The following APP variants were observed in gnomAD, a reference collection of about 807,000 sequenced individuals.
The protein encoded by APP is amyloid-beta precursor protein.
In APP, 31 loss-of-function variants were observed where a neutral mutation model predicts 101.4. The ratio of observed to expected loss-of-function variants is 0.31; its 90% confidence interval spans 0.23 to 0.41. The LOEUF is 0.41. Ranked by LOEUF, APP falls within the 10% of genes least tolerant of loss-of-function variation. APP has a pLI of 1.00. For missense variants in APP, 839 were observed against 1,003.7 expected (o/e 0.84, Z 2.22); for synonymous variants, 366 against 364.4 (o/e 1.00, Z -0.05).
At chr21:26,054,049 T>C (rs923243522) in intron 3 of APP, among the ~76,000 whole-genome samples, 3 of 152,242 alleles carry the variant, frequency 2.0e-5, no homozygotes, top group African/African-American at 7.2e-5. Context: ...ACATTATATG[T>C]AAGCTGTAAA....
intron 5 of APP, among the ~76,000 whole-genome samples, chr21:26,031,198 C>T (rs1374270802): frequency 6.6e-6 from 1 of 152,166 alleles, no homozygotes; most frequent in African/African-American, 2.4e-5. Context: ...CCACTGTGTC[C>T]ATACACATGA....
intron 17 of APP, among the ~76,000 whole-genome samples, chr21:25,886,567 G>A (rs531134241): frequency 6.6e-6 from 1 of 151,710 alleles, no homozygotes; most frequent in East Asian, 1.9e-4. Flanking sequence ...CTAATTTTTT[G>A]TATTTTTATT....
chr21:25,981,431 C>A (rs564769218), intron 9 of APP, among the ~76,000 whole-genome samples: 1 of 152,228 alleles, frequency 6.6e-6, no homozygotes, highest in South Asian at 2.1e-4. Flanking sequence ...TCTTTTCCCC[C>A]CACATTCACT....
intron 13 of APP, among the ~76,000 whole-genome samples, chr21:25,915,973 G>GT (rs112703380): frequency 0.018 from 2,600 of 143,366 alleles, 26 homozygotes; most frequent in Non-Finnish European, 0.026. Context: ...CTTAGCCTTC[G>GT]TTTTTTTTTT....
At chr21:26,126,875 CAG>C (rs2062695354) in intron 1 of APP, among the ~76,000 whole-genome samples, 1 of 151,934 alleles carries the variant, frequency 6.6e-6, no homozygotes, top group African/African-American at 2.4e-5. Context: ...TTGAACCAAA[CAG>C]AGTTTCCACT....
At chr21:25,883,367 C>T (rs1245232011) in intron 17 of APP, among the ~76,000 whole-genome samples, 11 of 152,088 alleles carry the variant, frequency 7.2e-5, no homozygotes, top group Admixed American at 5.9e-4. Flanking sequence ...TGTGCCACTG[C>T]ACTCCAGCCT....
At chr21:26,066,758 A>G (rs917750277) in intron 3 of APP, among the ~76,000 whole-genome samples, 2 of 152,158 alleles carry the variant, frequency 1.3e-5, no homozygotes, top group African/African-American at 4.8e-5. Context: ...CCTAAGAGCC[A>G]AGCTGCTCCT....
chr21:25,887,031 G>C (rs1484232069), intron 17 of APP, among the ~76,000 whole-genome samples: 2 of 152,020 alleles, frequency 1.3e-5, no homozygotes, highest in Non-Finnish European at 2.9e-5. Context: ...AGATAACCAG[G>C]AGGTGGGGGC....
chr21:26,134,718 G>T (rs181929552), intron 1 of APP, among the ~76,000 whole-genome samples: 128 of 152,266 alleles, frequency 8.4e-4, no homozygotes, highest in South Asian at 6.2e-3. Context: ...GGAGGTTGGG[G>T]AGGGTGACTG....
intron 5 of APP, among the ~76,000 whole-genome samples, chr21:26,043,685 C>T (rs1296608204): frequency 2.6e-5 from 4 of 152,136 alleles, no homozygotes; most frequent in Admixed American, 6.5e-5. Flanking sequence ...GAAAATTATG[C>T]CAAGTATTTT....
At chr21:26,017,424 A>AAG (rs2044144772) in intron 6 of APP, among the ~76,000 whole-genome samples, 1 of 150,782 alleles carries the variant, frequency 6.6e-6, no homozygotes, top group East Asian at 1.9e-4. Context: ...AAAAAAAAAA[A>AAG]AAAATTTAAA....
intron 1 of APP, among the ~76,000 whole-genome samples, chr21:26,144,144 T>C (rs548007314): frequency 5.7e-4 from 86 of 152,196 alleles, no homozygotes; most frequent in Middle Eastern, 6.8e-3. Flanking sequence ...TCAGTTCTCG[T>C]GAGAACTAAC....
At chr21:25,890,932 C>A (rs1189636958) in intron 17 of APP, among the ~76,000 whole-genome samples, 1 of 152,102 alleles carries the variant, frequency 6.6e-6, no homozygotes, top group Non-Finnish European at 1.5e-5. Context: ...ACAAATTTTT[C>A]AGTTTCCCTG....
chr21:26,093,341 T>G (rs1272492212), intron 2 of APP, among the ~76,000 whole-genome samples: 1 of 152,198 alleles, frequency 6.6e-6, no homozygotes, highest in Non-Finnish European at 1.5e-5. Context: ...ACTGCATCTT[T>G]CTAAAGGGTT....
At chr21:26,039,517 T>C (rs1165081828) in intron 5 of APP, among the ~76,000 whole-genome samples, 2 of 152,264 alleles carry the variant, frequency 1.3e-5, no homozygotes, top group African/African-American at 4.8e-5. Context: ...AAATAATTTC[T>C]AATATCAAAC....
intron 1 of APP, chr21:26,140,330 G>T: frequency 6.6e-7 from 1 of 1,524,498 alleles, no homozygotes; most frequent in Non-Finnish European, 8.8e-7. Context: ...TCGGGAGGGT[G>T]AGTCAACAGC....
intron 13 of APP, among the ~76,000 whole-genome samples, chr21:25,949,169 A>G (rs772920542): frequency 1.2e-4 from 19 of 152,222 alleles, no homozygotes; most frequent in Non-Finnish European, 2.5e-4. Flanking sequence ...TGAAAAAAAT[A>G]TGAAATTATA....
At chr21:25,948,141 GCT>G (rs1460800732) in intron 13 of APP, among the ~76,000 whole-genome samples, 3 of 149,444 alleles carry the variant, frequency 2.0e-5, no homozygotes, top group East Asian at 3.9e-4. Flanking sequence ...CAAAGTGACA[GCT>G]CTCTATTTGC....
At chr21:25,974,369 C>A (rs1329613164) in intron 11 of APP, among the ~76,000 whole-genome samples, 1 of 152,074 alleles carries the variant, frequency 6.6e-6, no homozygotes, top group East Asian at 1.9e-4. Context: ...TATGTTGAAA[C>A]CTAAGCCACA....
Sources: gnomAD v4.1 joint callset for allele counts (sites outside exome capture counted in the v4.1 genomes callset) on GRCh38, gnomAD v4.1.1 for gene constraint, MANE v1.5 for transcripts, NCBI Gene and HGNC (gene_info 2026-07-23, HGNC 2026-07-21) for gene names.